Variants in GREB1 observed in about 807,000 individuals in gnomAD.
GREB1 encodes the protein growth regulating estrogen receptor binding 1.
GREB1 carries 106 observed loss-of-function variants against 200.7 expected under a neutral mutation model. That is an observed-to-expected ratio of 0.53 (90% CI 0.45 to 0.62). The LOEUF (loss-of-function observed/expected upper bound fraction) is 0.62. GREB1 is among the 20% of genes least tolerant of loss of function. The probability of loss-of-function intolerance (pLI) is 0.00; values close to 1 mark genes in which losing one functional copy is unlikely to be tolerated. For missense variants in GREB1, 2,243 were observed against 2,556.8 expected (o/e 0.88, Z 2.65); for synonymous variants, 1,132 against 1,092.4 (o/e 1.04, Z -0.72).
Position 11,607,448 on chromosome 2 carries a change from GTGTGTGTGTGTGTA to G in GREB1, c.2667-3238_2667-3225del, listed in dbSNP as rs745573935. Among the ~76,000 whole-genome samples the G allele has an allele frequency of 6.8e-4, 80 of 117,414 alleles. 2 individuals are homozygous for G. The highest frequency in any genetic ancestry group is 5.5e-3 in the South Asian group (17 of 3,110). 77.0% of individuals were successfully genotyped at this position (117,414 alleles called of 152,430 possible). On this transcript the variant is annotated intron_variant, in intron 17 of 32. Coordinates refer to ENST00000381486, the MANE Select transcript of GREB1 (RefSeq NM_014668.4). ...TATGTATGTGTGTGTGTGTGTGTGTGTGTGTGTGTGTGTATATATATATACACACACATACATAT... is the reference window on the plus strand; with the variant it reads ...TATGTATGTGTGTGTGTGTGTGTGTGTATATATATACACACACATACATAT...
chr2:11,506,114 A>G (rs1673177358), intron 1 of GREB1, among the ~76,000 whole-genome samples: 1 of 152,154 alleles, frequency 6.6e-6, no homozygotes, highest in Admixed American at 6.5e-5. Context: ...GTCAGGCACC[A>G]AGAACAGACC....
intron 16 of GREB1, among the ~76,000 whole-genome samples, chr2:11,602,072 A>C (rs551918756): frequency 6.6e-6 from 1 of 152,244 alleles, no homozygotes; most frequent in South Asian, 2.1e-4. Context: ...GCCCATTCCT[A>C]AAACCAGCTT....
At chr2:11,590,386 G>T (rs1015138355) in intron 10 of GREB1, among the ~76,000 whole-genome samples, 1 of 152,028 alleles carries the variant, frequency 6.6e-6, no homozygotes, top group Non-Finnish European at 1.5e-5. Context: ...ACCCCTTCCC[G>T]GGGGCCCAGC....
intron 4 of GREB1, among the ~76,000 whole-genome samples, chr2:11,568,827 G>C (rs1677966047): frequency 6.6e-6 from 1 of 152,228 alleles, no homozygotes; most frequent in Admixed American, 6.5e-5. Flanking sequence ...CATCTGAAAT[G>C]GGTGACAAGG....
rs530718573 is a variant in GREB1 at position 11,587,063 on chromosome 2, G to A, written c.1159+1158G>A. 5.5e-4 allele frequency among the ~76,000 whole-genome samples: 84 copies of A among 152,310 alleles called. No individual in the cohort carries two copies. In the South Asian group the frequency reaches 0.01, roughly 18 times the overall value. On this transcript the variant is annotated intron_variant, in intron 9 of 32. Transcript: ENST00000381486. ...CAGGAACCTCGGAAAAGAAAGCCCAGCAAGTCTACGTCTCACACGAGCAAT... is the reference window on the plus strand; with the variant it reads ...CAGGAACCTCGGAAAAGAAAGCCCAACAAGTCTACGTCTCACACGAGCAAT...
chr2:11,610,008 G>T (rs1324186643), intron 17 of GREB1, among the ~76,000 whole-genome samples: 1 of 152,184 alleles, frequency 6.6e-6, no homozygotes, highest in East Asian at 1.9e-4. Flanking sequence ...TTCCATTGGT[G>T]CCCTGGGGTC....
intron 14 of GREB1, among the ~76,000 whole-genome samples, 181 bp from the exon 15 acceptor site, chr2:11,598,499 G>T (rs1196856486): frequency 6.6e-6 from 1 of 152,238 alleles, no homozygotes; most frequent in African/African-American, 2.4e-5. Flanking sequence ...CCCAGCTCCT[G>T]TGCAGGACAG....
chr2:11,544,703 C>A (rs750528241), intron 1 of GREB1, among the ~76,000 whole-genome samples: 33 of 152,214 alleles, frequency 2.2e-4, no homozygotes, highest in Non-Finnish European at 3.1e-4. Context: ...GCTGAGGGTG[C>A]AGGTGGAGGA....
chr2:11,517,752 T>C (rs958753903), intron 1 of GREB1, among the ~76,000 whole-genome samples: 14 of 152,086 alleles, frequency 9.2e-5, no homozygotes, highest in African/African-American at 2.9e-4. Context: ...CCCGGGTTCA[T>C]GCCATTCTCC....
chr2:11,638,771 T>A lies in GREB1; in HGVS notation c.5648T>A (p.Val1883Glu), dbSNP rs76551122. 43 of 1,614,214 alleles carry A rather than the reference T, an allele frequency of 2.7e-5. No individual in the cohort carries two copies. The African/African-American group carries it at 4.9e-4, about 19-fold the overall frequency. Residue 1883 changes from valine to glutamate, a missense_variant, in exon 32 of 33, where the codon GTG (valine) becomes GAG (glutamate). Val to Glu is a moderately radical substitution (Grantham distance 121). Transcript: ENST00000381486. The part of the protein sequence containing the change: ...GLLLYLCDSF[V>E]GASFLKKFHF... ...CTGCTGTACCTCTGTGACTCTTTTG[T>A]GGGAGCTAGCTTTTTGAAAAAGTTT...
intron 23 of GREB1, 70 bp downstream of exon 23, chr2:11,621,077 T>C: frequency 1.1e-6 from 1 of 893,656 alleles, no homozygotes; most frequent in Non-Finnish European, 1.9e-6. Context: ...ACTTTAATTT[T>C]ATATTTCACT....
At chr2:11,508,883 TTTTTTTTTC>T (rs1435861289) in intron 1 of GREB1, among the ~76,000 whole-genome samples, 2 of 147,524 alleles carry the variant, frequency 1.4e-5, no homozygotes, top group South Asian at 2.2e-4. Context: ...CTTTTTTTTT[TTTTTTTTTC>T]GGGACAGAGT....
upstream of GREB1, among the ~76,000 whole-genome samples, chr2:11,532,426 G>A (rs578216624): frequency 2.0e-5 from 3 of 152,250 alleles, no homozygotes; most frequent in South Asian, 4.1e-4. Flanking sequence ...AGCTGATAAC[G>A]TCCTCACTTT....
intron 5 of GREB1, among the ~76,000 whole-genome samples, chr2:11,578,071 G>T (rs1679061249): frequency 6.6e-6 from 1 of 152,154 alleles, no homozygotes; most frequent in African/African-American, 2.4e-5. Flanking sequence ...ACTCACCATT[G>T]CTCCCACTCT....
intron 7 of GREB1, among the ~76,000 whole-genome samples, chr2:11,583,795 G>T (rs1256456530): frequency 6.6e-6 from 1 of 151,984 alleles, no homozygotes; most frequent in Non-Finnish European, 1.5e-5. Flanking sequence ...GGAGGCAGAG[G>T]TTGCAGTGAG....
intron 1 of GREB1, among the ~76,000 whole-genome samples, chr2:11,550,912 C>T (rs1270871723): frequency 2.6e-5 from 4 of 152,154 alleles, no homozygotes; most frequent in African/African-American, 7.2e-5. Context: ...TCTTTGTCCC[C>T]GCCTTTAATA....
At position 11,597,966 on chromosome 2, in the gene GREB1, G is replaced by T. The variant is rs772953684; in HGVS notation, c.2140G>T (p.Val714Leu). 2 of 1,612,974 alleles carry T rather than the reference G, an allele frequency of 1.2e-6. No homozygotes were observed. Among genetic ancestry groups the T allele is most frequent in the Admixed American group, 3.3e-5 (2 of 60,008 alleles). ...EVTYQQTLLH[V>L]WHSGVLLELG... ...GACCTACCAGCAGACTCTGCTCCATGTGTGGCATTCAGGTATGGGGCATTT... is the reference window on the plus strand; with the variant it reads ...GACCTACCAGCAGACTCTGCTCCATTTGTGGCATTCAGGTATGGGGCATTT... The change falls in exon 14 of 33, where the codon GTG becomes TTG. Residue 714 changes from valine (V) to leucine (L), a missense_variant. Val to Leu is a conservative substitution (Grantham distance 32). Transcript: ENST00000381486. The surrounding 1 kb of genome is among the most constrained non-coding windows in gnomAD (Gnocchi z 4.1).
chr2:11,488,154 G>T (rs1164110537), intron 1 of GREB1, among the ~76,000 whole-genome samples: 1 of 152,172 alleles, frequency 6.6e-6, no homozygotes, highest in Non-Finnish European at 1.5e-5. Context: ...CAGGGAACTT[G>T]TACAAAATAC....
intron 30 of GREB1, among the ~76,000 whole-genome samples, chr2:11,635,843 T>C (rs1685271902): frequency 6.6e-6 from 1 of 152,214 alleles, no homozygotes; most frequent in African/African-American, 2.4e-5. Flanking sequence ...GTGTTCCAGC[T>C]GAGCAGGCCT....
Sources: allele counts gnomAD v4.1 joint callset (sites outside exome capture counted in the v4.1 genomes callset), GRCh38; gene constraint gnomAD v4.1.1; non-coding constraint Gnocchi (gnomAD v3.1); transcripts MANE v1.5; gene names NCBI Gene and HGNC (gene_info 2026-07-23, HGNC 2026-07-21).